The following TMEM131L variants were observed in gnomAD, a reference collection of about 807,000 sequenced individuals.
The protein encoded by TMEM131L is transmembrane 131 like.
Under a neutral mutation model 192.2 loss-of-function variants are expected in TMEM131L, and 54 were observed. The ratio of observed to expected loss-of-function variants is 0.28; its 90% CI spans 0.23 to 0.35. The LOEUF (loss-of-function observed/expected upper bound fraction) is 0.35. Ranked by LOEUF, TMEM131L falls within the 10% of genes least tolerant of loss-of-function variation. The pLI is 1.00. For synonymous variants in TMEM131L, 701 were observed against 704.9 expected, an observed-to-expected ratio of 0.99 and a Z score of 0.09; for missense variants, 1,888 against 1,972.9, an observed-to-expected ratio of 0.96 and a Z score of 0.82.
intron 3 of TMEM131L, among the ~76,000 whole-genome samples, chr4:153,549,257 A>G (rs1365286593): frequency 1.3e-5 from 2 of 152,180 alleles, no homozygotes. Context: ...ATGAGCCACC[A>G]TCTTCAGCCA....
intron 3 of TMEM131L, among the ~76,000 whole-genome samples, chr4:153,546,647 G>T (rs1236545760): frequency 1.3e-5 from 2 of 152,178 alleles, no homozygotes. Context: ...AAATATTTGA[G>T]CCAGGCGCAG....
intron 3 of TMEM131L, among the ~76,000 whole-genome samples, chr4:153,516,397 T>C (rs1734733478): frequency 6.6e-6 from 1 of 151,970 alleles, no homozygotes; most frequent in Non-Finnish European, 1.5e-5. Context: ...GCCGGGCTAA[T>C]TGTTATATAT....
intron 24 of TMEM131L, 71 bp from the exon 25 acceptor site, chr4:153,603,731 G>T (rs914710818): frequency 2.1e-6 from 3 of 1,459,190 alleles, no homozygotes; most frequent in Non-Finnish European, 2.8e-6. Flanking sequence ...TTTTCTCATG[G>T]ATATGGAAGC....
intron 3 of TMEM131L, among the ~76,000 whole-genome samples, chr4:153,480,926 G>A (rs982009506): frequency 1.3e-5 from 2 of 152,090 alleles, no homozygotes; most frequent in African/African-American, 4.8e-5. Context: ...GTGGTCTTCT[G>A]TCTCCATTCT....
chr4:153,635,549 A>G lies in TMEM131L; in HGVS notation c.4535A>G (p.His1512Arg), dbSNP rs1191360910. Residue 1512 changes from histidine to arginine, a missense_variant, in exon 34 of 35, where the codon CAT becomes CGT. Transcript: ENST00000409959. ...TPPNMPAAWG[H>R]ASFISSPPYL... ...CCCAACATGCCTGCTGCCTGGGGACATGCCAGTTTCATCAGCTCTCCGGTC... is the reference window on the plus strand; with the variant it reads ...CCCAACATGCCTGCTGCCTGGGGACGTGCCAGTTTCATCAGCTCTCCGGTC... 1 of 1,614,178 alleles carries G rather than the reference A, an allele frequency of 6.2e-7. No homozygotes were observed. The highest frequency in any genetic ancestry group is 1.1e-5 in the South Asian group (1 of 91,076).
At chr4:153,552,041 C>T (rs1737665206) in intron 4 of TMEM131L, among the ~76,000 whole-genome samples, 1 of 151,774 alleles carries the variant, frequency 6.6e-6, no homozygotes, top group Non-Finnish European at 1.5e-5. Flanking sequence ...AAACCCGTGA[C>T]TCTAATAAAA....
At chr4:153,568,926 T>A (rs1729404353) in intron 7 of TMEM131L, among the ~76,000 whole-genome samples, 1 of 152,198 alleles carries the variant, frequency 6.6e-6, no homozygotes, top group South Asian at 2.1e-4. Context: ...TACTAACTCC[T>A]TCTCCCCTAG....
chr4:153,575,720 A>G (rs1035865649), intron 7 of TMEM131L, among the ~76,000 whole-genome samples: 2 of 152,150 alleles, frequency 1.3e-5, no homozygotes, highest in East Asian at 3.8e-4. Flanking sequence ...TTTTTTCTAT[A>G]AAATATCTGA....
intron 3 of TMEM131L, among the ~76,000 whole-genome samples, chr4:153,518,014 T>G (rs1253284847): frequency 6.6e-6 from 1 of 151,858 alleles, no homozygotes; most frequent in East Asian, 1.9e-4. Context: ...ACGATGAGTG[T>G]GTGTTTTATA....
intron 2 of TMEM131L, among the ~76,000 whole-genome samples, chr4:153,468,184 T>C (rs1730904077): frequency 6.6e-6 from 1 of 152,222 alleles, no homozygotes; most frequent in Non-Finnish European, 1.5e-5. Context: ...GGAGAGGCTG[T>C]CCAGTTTTAC....
chr4:153,514,670 TG>T (rs2150099226), intron 3 of TMEM131L, among the ~76,000 whole-genome samples: 1 of 152,308 alleles, frequency 6.6e-6, no homozygotes, highest in East Asian at 1.9e-4. Flanking sequence ...CTTGTCTAGC[TG>T]GTAAGTGTAA....
chr4:153,547,199 T>C (rs572769768), intron 3 of TMEM131L, among the ~76,000 whole-genome samples: 14 of 152,324 alleles, frequency 9.2e-5, no homozygotes, highest in South Asian at 2.1e-4. Context: ...GAGTTTTCTT[T>C]GAAGTTAGAG....
chr4:153,591,094 A>G lies in TMEM131L; in HGVS notation c.1712A>G (p.Lys571Arg), dbSNP rs764052822. The G allele has an allele frequency of 1.9e-6, 3 of 1,606,630 alleles. No homozygotes were observed. The East Asian group carries it at 6.8e-5, about 36-fold the overall frequency. The change falls in exon 17 of 35, where the codon AAA (lysine) becomes AGA (arginine). Residue 571 changes from lysine (K) to arginine (R), a missense_variant. Transcript: ENST00000409959. ...ACAACTCGATTTGCTCACTTGAAGA[A>G]ATCCAAGGAGTCAGAGTCCTTTGTT... Reference protein sequence around the residue: ...LGTTRFAHLKKSKESESFVFF... With the variant: ...LGTTRFAHLKRSKESESFVFF...
chr4:153,485,384 T>C (rs1163255587), intron 3 of TMEM131L, among the ~76,000 whole-genome samples: 1 of 152,190 alleles, frequency 6.6e-6, no homozygotes, highest in Non-Finnish European at 1.5e-5. Context: ...TACATGCATG[T>C]TGGATTAAAA....
At position 153,576,710 on chromosome 4, in the gene TMEM131L, A is replaced by C. The variant is rs186561854; in HGVS notation, c.661-4116A>C. Among the ~76,000 whole-genome samples the C allele has an allele frequency of 8.4e-4, 128 of 151,734 alleles. No individual in the cohort carries two copies. In the South Asian group the frequency reaches 0.01, roughly 12 times the overall value. On this transcript the variant is annotated intron_variant, in intron 7 of 34. Transcript: ENST00000409959. ...AAAAAAACTTATAAATGTGTACTTT[A>C]AAAGTGTGTTAATATGATTTTTTTC...
rs764090643 is a variant in TMEM131L at position 153,612,326 on chromosome 4, T to C, written c.3493T>C (p.Ser1165Pro). The C allele has an allele frequency of 6.9e-6, 11 of 1,602,002 alleles. No individual in the cohort carries two copies. Among genetic ancestry groups the C allele is most frequent in the Non-Finnish European group, 9.4e-6 (11 of 1,176,004 alleles). Reference protein sequence around the residue: ...ENLKKVDTKPSSEKKIHKTSR... With the variant: ...ENLKKVDTKPPSEKKIHKTSR... The stretch of plus-strand genomic sequence containing the variant: ...TTTGAAGAAGGTGGACACAAAGCCT[T>C]CTTCAGAAAAGAAGATTCACAAAAC... Residue 1165 changes from serine to proline, a missense_variant, in exon 26 of 35, where the codon TCT becomes CCT. Ser to Pro is a moderately conservative substitution (Grantham distance 74). Coordinates refer to ENST00000409959, the MANE Select transcript of TMEM131L (RefSeq NM_001131007.2).
intron 4 of TMEM131L, among the ~76,000 whole-genome samples, chr4:153,552,239 G>A (rs1216399138): frequency 2.0e-5 from 3 of 152,020 alleles, no homozygotes; most frequent in Non-Finnish European, 4.4e-5. Flanking sequence ...ATTGTGAAAA[G>A]AAATTTTGAT....
intron 3 of TMEM131L, among the ~76,000 whole-genome samples, chr4:153,488,226 G>C (rs918655335): frequency 3.3e-5 from 5 of 152,304 alleles, no homozygotes; most frequent in East Asian, 3.9e-4. Flanking sequence ...GGGTGCGTGA[G>C]TGCACCAGTG....
chr4:153,555,224 A>G lies in TMEM131L; in HGVS notation c.309-563A>G. Among the ~76,000 whole-genome samples, 1 of 152,228 alleles carries G rather than the reference A, an allele frequency of 6.6e-6. No individual in the cohort carries two copies. The highest frequency in any genetic ancestry group is 1.9e-4 in the East Asian group (1 of 5,208). ...TTTTCCTTTTCTAAGACCTAATAAA[A>G]TAACATCTCTTTGTGAGCTGAAAAT... On this transcript the variant is annotated intron_variant, in intron 4 of 34. Transcript: ENST00000409959. This position sits in a 1 kb window ranked among gnomAD's most constrained non-coding sequence, Gnocchi z 4.1.
Sources: gnomAD v4.1 joint callset for allele counts (sites outside exome capture counted in the v4.1 genomes callset) on GRCh38, gnomAD v4.1.1 for gene constraint, Gnocchi (gnomAD v3.1) non-coding constraint, MANE v1.5 for transcripts, NCBI Gene and HGNC (gene_info 2026-07-23, HGNC 2026-07-21) for gene names.